The following GRAMD1B variants were observed in gnomAD, a reference collection of about 807,000 sequenced individuals.
The protein encoded by GRAMD1B is GRAM domain containing 1B.
GRAMD1B carries 37 observed loss-of-function variants against 99.7 expected under a neutral mutation model. That is an observed-to-expected ratio of 0.37 (90% CI 0.29 to 0.49). The LOEUF is 0.49. Ranked by LOEUF, GRAMD1B falls within the 20% of genes least tolerant of loss-of-function variation. The pLI is 0.98. For missense variants in GRAMD1B, 888 were observed against 1,009.2 expected, an observed-to-expected ratio of 0.88 and a Z score of 1.63; for synonymous variants, 427 against 387.6, an observed-to-expected ratio of 1.10 and a Z score of -1.19.
At position 123,605,580 on chromosome 11, in the gene GRAMD1B, T is replaced by C. The variant is rs1952599791; in HGVS notation, c.1323+102T>C. 7.8e-6 allele frequency: 7 copies of C among 893,626 alleles called. No individual in the cohort carries two copies. The South Asian group carries it at 1.4e-4, about 18-fold the overall frequency. 55.4% of individuals were successfully genotyped at this position (893,626 alleles called of 1,614,324 possible). A position where few individuals can be genotyped will look rare whatever the true frequency, so the allele number is the denominator to read the frequency against. On this transcript the variant is annotated intron_variant, in intron 10 of 19. Transcript: ENST00000635736. ...ATCTGGGGAGCAGGTAGAGAGGAGATTGGTTACATTGTTGTCAGTTTCTTC... is the reference window on the plus strand; with the variant it reads ...ATCTGGGGAGCAGGTAGAGAGGAGACTGGTTACATTGTTGTCAGTTTCTTC...
intron 2 of GRAMD1B, among the ~76,000 whole-genome samples, chr11:123,513,597 C>CCTT (rs1565315740): frequency 2.0e-4 from 9 of 45,060 alleles, no homozygotes; most frequent in Non-Finnish European, 3.4e-4. Context: ...TTCCTTCCTT[C>CCTT]CTTCCTTCCT....
chr11:123,521,116 G>A (rs187682970), intron 2 of GRAMD1B, among the ~76,000 whole-genome samples: 6 of 152,274 alleles, frequency 3.9e-5, no homozygotes, highest in Admixed American at 1.3e-4. Flanking sequence ...ACGTATTAGA[G>A]TATGCAATCA....
At chr11:123,507,084 C>A (rs1940509369) in intron 2 of GRAMD1B, among the ~76,000 whole-genome samples, 1 of 152,180 alleles carries the variant, frequency 6.6e-6, no homozygotes, top group African/African-American at 2.4e-5. Context: ...TAACATGGAT[C>A]TGATTTCTGT....
intron 2 of GRAMD1B, among the ~76,000 whole-genome samples, chr11:123,521,996 A>G (rs193105439): frequency 2.6e-4 from 39 of 152,310 alleles, no homozygotes; most frequent in African/African-American, 8.4e-4. Context: ...TGTGTATGCC[A>G]TATTGCCAGA....
At chr11:123,380,604 C>T (rs919326234) in intron 1 of GRAMD1B, among the ~76,000 whole-genome samples, 1 of 152,278 alleles carries the variant, frequency 6.6e-6, no homozygotes, top group Admixed American at 6.5e-5. Flanking sequence ...CGGATGGACC[C>T]TTTGTAGTTG....
chr11:123,558,272 C>T (rs1946366519), intron 2 of GRAMD1B, among the ~76,000 whole-genome samples: 1 of 152,068 alleles, frequency 6.6e-6, no homozygotes, highest in Non-Finnish European at 1.5e-5. Flanking sequence ...GCATGAGCCA[C>T]CATGCCCAGC....
chr11:123,360,174 T>C (rs896187158), intron 1 of GRAMD1B, among the ~76,000 whole-genome samples: 4 of 152,230 alleles, frequency 2.6e-5, no homozygotes, highest in African/African-American at 9.6e-5. Context: ...CTCTCTTCTC[T>C]CTTTCATTTA....
intron 2 of GRAMD1B, chr11:123,525,864 G>T (rs544620104): frequency 4.0e-5 from 20 of 499,428 alleles, no homozygotes; most frequent in African/African-American, 3.7e-4. Flanking sequence ...AACTGGCAGC[G>T]GCAGCCACAG....
intron 1 of GRAMD1B, chr11:123,381,612 G>A (rs1946875989): frequency 2.0e-5 from 3 of 152,426 alleles, no homozygotes; most frequent in Admixed American, 2.0e-4. Context: ...CAGAGTCGAG[G>A]TTCTAATATA....
intron 1 of GRAMD1B, among the ~76,000 whole-genome samples, chr11:123,370,367 T>A (rs1302052493): frequency 1.5e-5 from 2 of 134,690 alleles, no homozygotes; most frequent in Non-Finnish European, 3.1e-5. Context: ...TTGAGACAGA[T>A]TCTCACTCTG....
At chr11:123,595,155 G>A (rs1951119381) in intron 6 of GRAMD1B, among the ~76,000 whole-genome samples, 1 of 152,044 alleles carries the variant, frequency 6.6e-6, no homozygotes, top group African/African-American at 2.4e-5. Flanking sequence ...TTTGGCCTTG[G>A]GACTTTAAAG....
rs373304513 is a variant in GRAMD1B, at chr11:123,466,382, G to GAC, written c.375-14433_375-14432insCA. On this transcript the variant is annotated intron_variant, in intron 1 of 19. Transcript: ENST00000635736. ...GGAAGGAAGGAAAAAGAAAGAGAGA[G>GAC]AGAAAGAAAGAAAAAGAAAGAAAGG... Among the ~76,000 whole-genome samples the GAC allele has an allele frequency of 1.8e-3, 247 of 138,958 alleles. No homozygotes were observed. In the Middle Eastern group the frequency reaches 0.024, roughly 14 times the overall value. The allele number at this position is 138,958 out of a possible 152,430, so 91.2% of individuals were successfully genotyped here.
intron 1 of GRAMD1B, among the ~76,000 whole-genome samples, chr11:123,368,699 A>AAAAAAAAAAAAAG (rs1555106411): frequency 1.3e-5 from 2 of 150,292 alleles, no homozygotes; most frequent in African/African-American, 4.9e-5. Context: ...AAAAAAAAAA[A>AAAAAAAAAAAAAG]AAAGAAAGAA....
chr11:123,556,976 G>A (rs554705813), intron 2 of GRAMD1B, among the ~76,000 whole-genome samples: 37 of 152,318 alleles, frequency 2.4e-4, no homozygotes, highest in Admixed American at 2.0e-3. Flanking sequence ...CTTTTCACAC[G>A]CAATGTAATC....
At chr11:123,581,585 G>C (rs1054831088) in intron 3 of GRAMD1B, among the ~76,000 whole-genome samples, 3 of 152,186 alleles carry the variant, frequency 2.0e-5, no homozygotes, top group Non-Finnish European at 4.4e-5. Flanking sequence ...CTGGAGGGGG[G>C]ACCCATTTTT....
intron 2 of GRAMD1B, chr11:123,560,122 C>G: frequency 1.2e-6 from 1 of 807,516 alleles, no homozygotes; most frequent in East Asian, 1.3e-4. Flanking sequence ...AATAATTGAG[C>G]GCCGGCAAGC....
At chr11:123,559,339 G>A (rs190656953) in intron 2 of GRAMD1B, among the ~76,000 whole-genome samples, 3 of 152,282 alleles carry the variant, frequency 2.0e-5, no homozygotes, top group East Asian at 1.9e-4. Context: ...TTAGTTAATC[G>A]CCATGGGTCT....
intron 2 of GRAMD1B, among the ~76,000 whole-genome samples, chr11:123,538,096 ATTC>A (rs1944143520): frequency 1.3e-5 from 2 of 152,056 alleles, no homozygotes; most frequent in Non-Finnish European, 2.9e-5. Flanking sequence ...CCCTCTTTCT[ATTC>A]TTCTTGGGAC....
chr11:123,617,007 T>G (rs990772534), intron 17 of GRAMD1B, among the ~76,000 whole-genome samples: 2 of 152,172 alleles, frequency 1.3e-5, no homozygotes, highest in Admixed American at 1.3e-4. Flanking sequence ...TTTGTGGCTG[T>G]CAGTTTAAGG....
Sources: gnomAD v4.1 joint callset for allele counts (sites outside exome capture counted in the v4.1 genomes callset) on GRCh38, gnomAD v4.1.1 for gene constraint, MANE v1.5 for transcripts, NCBI Gene and HGNC (gene_info 2026-07-23, HGNC 2026-07-21) for gene names.